Variants in ABLIM1 observed in about 807,000 individuals in gnomAD.
The protein encoded by ABLIM1 is actin-binding LIM protein 1.
A neutral mutation model predicts 107.0 loss-of-function variants in ABLIM1; 40 were observed. The observed-to-expected ratio is 0.37, with a 90% CI of 0.29 to 0.49. The LOEUF is 0.49. Ranked by LOEUF, ABLIM1 falls within the 20% of genes least tolerant of loss-of-function variation. ABLIM1 has a pLI of 0.97. For missense variants in ABLIM1, 857 were observed against 1,008.5 expected (o/e 0.85, Z 2.04); for synonymous variants, 357 against 357.3 (o/e 1.00, Z 0.01).
At chr10:114,673,327 T>A (rs1229938722) in intron 1 of ABLIM1, among the ~76,000 whole-genome samples, 12 of 151,966 alleles carry the variant, frequency 7.9e-5, no homozygotes, top group East Asian at 1.9e-4. Flanking sequence ...AGTTTACTTG[T>A]AATCATTTTT....
At chr10:114,527,945 C>T (rs2065026966) in intron 6 of ABLIM1, among the ~76,000 whole-genome samples, 1 of 151,100 alleles carries the variant, frequency 6.6e-6, no homozygotes, top group South Asian at 2.1e-4. Flanking sequence ...TCAAGCAATT[C>T]TCCTGCCTCA....
chr10:114,656,393 T>C (rs2079523632), intron 1 of ABLIM1, among the ~76,000 whole-genome samples: 1 of 151,698 alleles, frequency 6.6e-6, no homozygotes, highest in African/African-American at 2.4e-5. Context: ...TGAAATAATC[T>C]AGAAGTCCTT....
At chr10:114,658,727 G>T (rs1371434768), upstream of ABLIM1, among the ~76,000 whole-genome samples, 1 of 152,168 alleles carries the variant, frequency 6.6e-6, no homozygotes, top group Non-Finnish European at 1.5e-5. Context: ...GACAAATCCA[G>T]CTCTCAGCCA....
chr10:114,721,093 A>T (rs571824077), intron 1 of ABLIM1, among the ~76,000 whole-genome samples: 18 of 152,336 alleles, frequency 1.2e-4, no homozygotes, highest in African/African-American at 4.3e-4. Context: ...ACTTGTGCTC[A>T]GTTGAGATAA....
chr10:114,624,797 A>T lies in ABLIM1; in HGVS notation c.245-22836T>A, dbSNP rs138330592. ...ATTTTTTTTTTTTTTAAACATGTGA[A>T]ATCCTTTCCTTTAGCTTTGGAAATC... On this transcript the variant is annotated intron_variant, in intron 1 of 22. Transcript: ENST00000533213. Among the ~76,000 whole-genome samples, 36 of 152,072 alleles carry T rather than the reference A, an allele frequency of 2.4e-4. 1 individual carries two copies. The East Asian group carries it at 6.9e-3, about 29-fold the overall frequency.
At chr10:114,437,579 A>G (rs1200183767) in intron 22 of ABLIM1, among the ~76,000 whole-genome samples, 1 of 152,052 alleles carries the variant, frequency 6.6e-6, no homozygotes. Context: ...TCGGCCTCCT[A>G]AAGTGTTGGG....
chr10:114,582,741 A>T (rs1203727246), intron 2 of ABLIM1, among the ~76,000 whole-genome samples: 1 of 152,192 alleles, frequency 6.6e-6, no homozygotes, highest in African/African-American at 2.4e-5. Flanking sequence ...AACAAAGTAG[A>T]CAAAAATAAG....
chr10:114,639,872 G>A (rs1271052974), intron 1 of ABLIM1, among the ~76,000 whole-genome samples: 4 of 152,146 alleles, frequency 2.6e-5, no homozygotes, highest in South Asian at 2.1e-4. Context: ...GCAACACCCC[G>A]TGAGCACAGG....
chr10:114,639,811 C>T (rs1394081261), intron 1 of ABLIM1, among the ~76,000 whole-genome samples: 5 of 152,292 alleles, frequency 3.3e-5, no homozygotes, highest in South Asian at 4.1e-4. Flanking sequence ...AGATGAGATG[C>T]GTGCAGTTTG....
intron 14 of ABLIM1, among the ~76,000 whole-genome samples, chr10:114,448,659 G>A (rs912853480): frequency 2.0e-5 from 3 of 150,682 alleles, no homozygotes; most frequent in African/African-American, 7.5e-5. Context: ...TGTCGCCCAG[G>A]CTGGAGTGCA....
At chr10:114,446,403 T>C (rs1004207887) in intron 15 of ABLIM1, among the ~76,000 whole-genome samples, 1 of 152,194 alleles carries the variant, frequency 6.6e-6, no homozygotes, top group African/African-American at 2.4e-5. Context: ...GTGTTCAATT[T>C]TTTAGCTTTC....
chr10:114,795,798 T>C, the ABLIM1 span, among the ~76,000 whole-genome samples: 25 of 152,158 alleles, frequency 1.6e-4, no homozygotes, highest in African/African-American at 5.8e-4. Context: ...TTCCAGAAAT[T>C]GTGGCAAAAA....
In ABLIM1 at chr10:114,574,529, T is replaced by C. The variant is rs181923811; in HGVS notation, c.563+887A>G. 2.4e-4 allele frequency among the ~76,000 whole-genome samples: 36 copies of C among 152,020 alleles called. No individual in the cohort carries two copies. The East Asian group carries it at 6.0e-3, about 25-fold the overall frequency. The stretch of plus-strand genomic sequence containing the variant: ...ATCTCGGCTCACTGCAACCTCCGCC[T>C]CCCGGGTTCAAGCCATTCTCCTGCC... On this transcript the variant is annotated intron_variant, in intron 3 of 22. Transcript: ENST00000533213.
At chr10:114,467,725 C>T (rs1318535324) in intron 11 of ABLIM1, among the ~76,000 whole-genome samples, 1 of 152,078 alleles carries the variant, frequency 6.6e-6, no homozygotes, top group Non-Finnish European at 1.5e-5. Flanking sequence ...TTCATAATAT[C>T]CAGAAAGTTG....
chr10:114,437,796 G>A (rs779483142), intron 22 of ABLIM1, 48 bp downstream of exon 22: 4 of 1,481,664 alleles, frequency 2.7e-6, no homozygotes, highest in East Asian at 2.3e-5. Flanking sequence ...AGTTGGGGGA[G>A]TGCATAGGGA....
At chr10:114,529,814 G>T (rs1014650749) in intron 6 of ABLIM1, among the ~76,000 whole-genome samples, 2 of 152,058 alleles carry the variant, frequency 1.3e-5, no homozygotes, top group African/African-American at 4.8e-5. Context: ...ATCACCTGAG[G>T]TCAGGAGTTC....
At chr10:114,575,373 TG>T (rs759056613) in intron 3 of ABLIM1, 42 bp downstream of exon 3, 3 of 1,595,562 alleles carry the variant, frequency 1.9e-6, no homozygotes, top group Non-Finnish European at 2.6e-6. Context: ...AGCATTTCTC[TG>T]TTGGAGGAAG....
chr10:114,436,893 C>T (rs540023923), intron 22 of ABLIM1, among the ~76,000 whole-genome samples: 52 of 152,244 alleles, frequency 3.4e-4, no homozygotes, highest in African/African-American at 7.2e-4. Flanking sequence ...TGTACCTCTA[C>T]GCCAAGGTAC....
chr10:114,535,261 C>CA (rs897101933), intron 6 of ABLIM1, among the ~76,000 whole-genome samples: 5 of 151,906 alleles, frequency 3.3e-5, no homozygotes, highest in South Asian at 2.1e-4. Context: ...TCTCGCCACA[C>CA]AAAAAAACAA....
Sources: gnomAD v4.1 joint callset for allele counts (sites outside exome capture counted in the v4.1 genomes callset) on GRCh38, gnomAD v4.1.1 for gene constraint, MANE v1.5 for transcripts, NCBI Gene and HGNC (gene_info 2026-07-23, HGNC 2026-07-21) for gene names.